The following DLC1 variants were observed in gnomAD, a reference collection of about 807,000 sequenced individuals.
The protein encoded by DLC1 is rho GTPase-activating protein 7.
In DLC1, 54 loss-of-function variants were observed where a neutral mutation model predicts 140.3. The ratio of observed to expected loss-of-function variants is 0.38; its 90% confidence interval spans 0.31 to 0.48. The LOEUF (loss-of-function observed/expected upper bound fraction) is 0.48. Among genes scored for constraint, DLC1 ranks in the 20% least tolerant of loss-of-function variants. The pLI, the probability that DLC1 is intolerant of heterozygous loss-of-function variation, is 0.96. For synonymous variants in DLC1, 986 were observed against 728.1 expected, an observed-to-expected ratio of 1.35 and a Z score of -5.70; for missense variants, 2,536 against 1,907.0, an observed-to-expected ratio of 1.33 and a Z score of -6.14.
chr8:13,195,564 C>A (rs1826998252), intron 5 of DLC1, among the ~76,000 whole-genome samples: 1 of 152,068 alleles, frequency 6.6e-6, no homozygotes, highest in East Asian at 1.9e-4. Context: ...TTTGTAGGTT[C>A]TTTGTGTGAT....
chr8:13,581,307 A>C (rs928001133), intron 1 of DLC1, among the ~76,000 whole-genome samples: 1 of 152,194 alleles, frequency 6.6e-6, no homozygotes, highest in Non-Finnish European at 1.5e-5. Flanking sequence ...CAGAGGAAAA[A>C]ACGGAACCAT....
At chr8:13,366,871 C>T (rs763018904) in intron 4 of DLC1, among the ~76,000 whole-genome samples, 1 of 152,144 alleles carries the variant, frequency 6.6e-6, no homozygotes, top group African/African-American at 2.4e-5. Flanking sequence ...GCCGGGCTCT[C>T]CCACACACAC....
chr8:13,374,205 A>T (rs1166119685), intron 4 of DLC1, among the ~76,000 whole-genome samples: 1 of 152,204 alleles, frequency 6.6e-6, no homozygotes, highest in Non-Finnish European at 1.5e-5. Context: ...GTAGTTTGCT[A>T]TGGATTCAGA....
At chr8:13,461,416 G>A (rs562988867) in intron 2 of DLC1, among the ~76,000 whole-genome samples, 1 of 152,212 alleles carries the variant, frequency 6.6e-6, no homozygotes, top group East Asian at 1.9e-4. Flanking sequence ...AAACATTAAT[G>A]TATTTGCCTC....
chr8:13,181,337 T>G (rs1312658282), intron 5 of DLC1, among the ~76,000 whole-genome samples: 3 of 139,478 alleles, frequency 2.2e-5, no homozygotes, highest in African/African-American at 7.6e-5. Flanking sequence ...CTTTCTTTCT[T>G]TTTTTTTTTT....
intron 5 of DLC1, among the ~76,000 whole-genome samples, chr8:13,264,171 C>T (rs1250187341): frequency 2.6e-5 from 4 of 151,926 alleles, no homozygotes; most frequent in Non-Finnish European, 4.4e-5. Flanking sequence ...CGGGTTCAAG[C>T]GATTCTGCTA....
chr8:13,388,735 T>G (rs1206461799), intron 4 of DLC1, among the ~76,000 whole-genome samples: 1 of 152,030 alleles, frequency 6.6e-6, no homozygotes, highest in African/African-American at 2.4e-5. Flanking sequence ...CTATTTTATA[T>G]GTATACATAT....
At chr8:13,467,806 T>C (rs1800008368) in intron 2 of DLC1, among the ~76,000 whole-genome samples, 1 of 152,206 alleles carries the variant, frequency 6.6e-6, no homozygotes, top group South Asian at 2.1e-4. Context: ...ATCATAAATT[T>C]TTTTCTCCTT....
chr8:13,337,304 A>G (rs893096211), intron 4 of DLC1, among the ~76,000 whole-genome samples: 1 of 152,186 alleles, frequency 6.6e-6, no homozygotes, highest in Admixed American at 6.5e-5. Context: ...TTCAATTACA[A>G]TTACTTTTAA....
chr8:13,312,263 A>G (rs1192230425), intron 4 of DLC1, among the ~76,000 whole-genome samples: 1 of 129,114 alleles, frequency 7.7e-6, no homozygotes, highest in Non-Finnish European at 1.6e-5. Flanking sequence ...CGGGAGGCTG[A>G]GGCAGGAGAA....
At chr8:13,418,056 G>T (rs908992925) in intron 2 of DLC1, among the ~76,000 whole-genome samples, 1 of 152,082 alleles carries the variant, frequency 6.6e-6, no homozygotes, top group African/African-American at 2.4e-5. Context: ...CTTTTTGATG[G>T]GGTGGTTTGT....
At chr8:13,178,435 G>A (rs1008694851) in intron 5 of DLC1, among the ~76,000 whole-genome samples, 52 of 151,912 alleles carry the variant, frequency 3.4e-4, no homozygotes, top group African/African-American at 6.5e-4. Context: ...GGTGGCGGGC[G>A]CCTGTAGTTC....
At chr8:13,470,251 T>G (rs2117066104) in intron 2 of DLC1, among the ~76,000 whole-genome samples, 1 of 152,356 alleles carries the variant, frequency 6.6e-6, no homozygotes, top group Admixed American at 6.5e-5. Flanking sequence ...CTTTTATTTT[T>G]ATCTTTTAAG....
chr8:13,238,058 C>T (rs1829372895), intron 5 of DLC1, among the ~76,000 whole-genome samples: 1 of 152,156 alleles, frequency 6.6e-6, no homozygotes, highest in Admixed American at 6.5e-5. Flanking sequence ...TGTTTTGAAA[C>T]ATTTAGCTTT....
chr8:13,326,279 T>A (rs781289402), intron 4 of DLC1, among the ~76,000 whole-genome samples: 4 of 152,190 alleles, frequency 2.6e-5, no homozygotes, highest in Non-Finnish European at 5.9e-5. Flanking sequence ...CATTTGGCCA[T>A]AAGAGGATCT....
At chr8:13,423,042 G>C (rs1050310321) in intron 2 of DLC1, among the ~76,000 whole-genome samples, 1 of 152,124 alleles carries the variant, frequency 6.6e-6, no homozygotes. Context: ...GGGGGGTGAT[G>C]TAAGACTCTA....
At chr8:13,349,862 A>C (rs946765677) in intron 4 of DLC1, among the ~76,000 whole-genome samples, 5 of 152,222 alleles carry the variant, frequency 3.3e-5, no homozygotes, top group African/African-American at 1.2e-4. Context: ...GTTGCACTTT[A>C]GATATTATGG....
At chr8:13,567,883 T>C in intron 1 of DLC1, 1 of 1,552,018 alleles carries the variant, frequency 6.4e-7, no homozygotes, top group Non-Finnish European at 8.7e-7. Flanking sequence ...TTTACCATTT[T>C]CTCTGCCATT....
At chr8:13,561,965 T>G (rs1309779248) in intron 1 of DLC1, among the ~76,000 whole-genome samples, 1 of 152,112 alleles carries the variant, frequency 6.6e-6, no homozygotes, top group African/African-American at 2.4e-5. Flanking sequence ...ATTATATATT[T>G]GGAAAACACA....
Sources: allele counts gnomAD v4.1 joint callset (sites outside exome capture counted in the v4.1 genomes callset), GRCh38; gene constraint gnomAD v4.1.1; transcripts MANE v1.5; gene names NCBI Gene and HGNC (gene_info 2026-07-23, HGNC 2026-07-21).